TPCN2: variants seen among roughly 807,000 people sequenced by gnomAD.
TPCN2 encodes two pore channel protein 2.
Under a neutral mutation model 111.4 loss-of-function variants are expected in TPCN2, and 92 were observed. That is an observed-to-expected ratio of 0.83 (90% confidence interval 0.70 to 0.98). The LOEUF (loss-of-function observed/expected upper bound fraction) is 0.98, where lower values mean the gene tolerates loss of function less well. TPCN2 is among the 50% of genes least tolerant of loss of function. The probability of loss-of-function intolerance (pLI) is 0.00; values close to 1 mark genes in which losing one functional copy is unlikely to be tolerated. For missense variants in TPCN2, 995 were observed against 980.1 expected, an observed-to-expected ratio of 1.02 and a Z score of -0.20; for synonymous variants, 405 against 414.5, an observed-to-expected ratio of 0.98 and a Z score of 0.28.
intron 5 of TPCN2, among the ~76,000 whole-genome samples, chr11:69,058,655 C>T (rs527990337): frequency 7.2e-4 from 109 of 152,290 alleles, no homozygotes; most frequent in African/African-American, 2.4e-3. Context: ...CTGGAATGGG[C>T]GGCATCGCAG....
chr11:69,088,163 C>T lies in TPCN2; in HGVS notation c.*210C>T, dbSNP rs531356684. On this transcript the variant is annotated 3_prime_UTR_variant, in exon 25 of 25. Transcript: ENST00000294309. ...AGCTGCTGGTGCTTCAGGGAGGCGCCGTGCCCTCCGCTTTCTTTTATAGCT... is the reference window on the plus strand; with the variant it reads ...AGCTGCTGGTGCTTCAGGGAGGCGCTGTGCCCTCCGCTTTCTTTTATAGCT... The T allele has an allele frequency of 5.7e-4, 312 of 547,248 alleles. 1 individual carries two copies. Among genetic ancestry groups the T allele is most frequent in the African/African-American group, 5.4e-3 (284 of 52,980 alleles). The allele number at this position is 547,248 out of a possible 1,614,324, so 33.9% of individuals were successfully genotyped here.
rs377103736 is a variant in TPCN2 at position 69,085,794 on chromosome 11, C to T, written c.1920+42C>T. 24 of 1,612,974 alleles carry T rather than the reference C, an allele frequency of 1.5e-5. No homozygotes were observed. The African/African-American group carries it at 2.0e-4, about 13-fold the overall frequency. ...GTCCCAGCACCCTGCTCCCCGGGCT[C>T]CTCCCCTCCCTACCTCCTGGGCCCT... is the stretch of plus-strand genomic sequence containing the variant. On this transcript the variant is annotated intron_variant, in intron 21 of 24. Transcript: ENST00000294309.
At chr11:69,086,116 C>CGT (rs767500116) in intron 22 of TPCN2, among the ~76,000 whole-genome samples, 186 bp downstream of exon 22, 1 of 152,206 alleles carries the variant, frequency 6.6e-6, no homozygotes, top group Non-Finnish European at 1.5e-5. Flanking sequence ...ATAGCCACAT[C>CGT]GTGACTCTCA....
At chr11:69,060,948 C>T (rs1390516812) in intron 5 of TPCN2, among the ~76,000 whole-genome samples, 1 of 152,234 alleles carries the variant, frequency 6.6e-6, no homozygotes, top group African/African-American at 2.4e-5. Flanking sequence ...CTTCTCAGTC[C>T]TGCGCCAGGC....
chr11:69,078,740 C>T lies in TPCN2; in HGVS notation c.1357C>T (p.Leu453=). ...LANLVSICVF[L]VLDADVLPAE... Reference sequence around the variant, plus strand: ...CTCTGTTCTGGCGTTGCAGGTGTTCCTGGTGCTGGATGCAGATGTGCTGCC... The same window carrying T: ...CTCTGTTCTGGCGTTGCAGGTGTTCTTGGTGCTGGATGCAGATGTGCTGCC... Residue 453 remains leucine (L), a synonymous_variant, in exon 15 of 25, where the codon CTG becomes TTG. Transcript: ENST00000294309. 2 of 1,613,986 alleles carry T rather than the reference C, an allele frequency of 1.2e-6. No individual in the cohort carries two copies. The highest frequency in any genetic ancestry group is 1.1e-5 in the South Asian group (1 of 91,086).
At chr11:69,049,475 T>A (rs1277736891) in intron 1 of TPCN2, among the ~76,000 whole-genome samples, 2 of 152,200 alleles carry the variant, frequency 1.3e-5, no homozygotes, top group Non-Finnish European at 2.9e-5. Flanking sequence ...GTCGCCGTAA[T>A]GAGGGTCGCC....
chr11:69,070,341 C>G (rs1855466695), intron 8 of TPCN2, 89 bp from the exon 9 acceptor site: 1 of 1,092,170 alleles, frequency 9.2e-7, no homozygotes, highest in South Asian at 1.3e-5. Flanking sequence ...GACCTCCTTT[C>G]TATTGCAAAA....
At chr11:69,077,886 G>A in intron 13 of TPCN2, among the ~76,000 whole-genome samples, 1 of 152,220 alleles carries the variant, frequency 6.6e-6, no homozygotes, top group Admixed American at 6.5e-5. Flanking sequence ...GCCGCCGGTG[G>A]TCAGTGGCTC....
At chr11:69,056,995 G>A (rs539357111) in intron 4 of TPCN2, among the ~76,000 whole-genome samples, 1 of 151,988 alleles carries the variant, frequency 6.6e-6, no homozygotes, top group African/African-American at 2.4e-5. Context: ...CTGCCACCAT[G>A]CCCGGCTAAT....
intron 18 of TPCN2, among the ~76,000 whole-genome samples, chr11:69,082,477 A>C (rs1409592040): frequency 6.6e-6 from 1 of 152,302 alleles, no homozygotes; most frequent in Non-Finnish European, 1.5e-5. Context: ...GCAAATATCC[A>C]TGTGAACTCA....
Position 69,072,639 on chromosome 11 carries a change from G to A in TPCN2, c.1074G>A (p.Lys358=). The change falls in exon 12 of 25, where the codon AAG becomes AAA. Residue 358 remains lysine, a synonymous_variant. Transcript: ENST00000294309. ...TTTTTCCCTGCAGAGTTGGGGTGAA[G>A]CCCCAGAACTTGCTGCAGGTGCTTC... ...GGAFPQAVGV[K]PQNLLQVLQK... 6.2e-7 allele frequency: 1 copy of A among 1,613,916 alleles called. No individual in the cohort carries two copies. The highest frequency in any genetic ancestry group is 8.5e-7 in the Non-Finnish European group (1 of 1,180,020).
intron 19 of TPCN2, 63 bp downstream of exon 19, chr11:69,084,079 G>A (rs72928652): frequency 0.16 from 253,170 of 1,543,642 alleles, 23,341 homozygotes; most frequent in South Asian, 0.22. Flanking sequence ...GGAGGCTGGC[G>A]GAAGGCAGTG....
At chr11:69,050,397 A>G (rs1861168750) in intron 1 of TPCN2, among the ~76,000 whole-genome samples, 6 of 152,064 alleles carry the variant, frequency 3.9e-5, no homozygotes, top group Admixed American at 2.6e-4. Flanking sequence ...CTTTTTTGAG[A>G]TGGAGTATCA....
intron 5 of TPCN2, among the ~76,000 whole-genome samples, chr11:69,061,754 G>A (rs572983226): frequency 1.3e-5 from 2 of 152,224 alleles, no homozygotes; most frequent in South Asian, 4.1e-4. Flanking sequence ...GGGAAACGTG[G>A]CATGATGGAA....
intron 5 of TPCN2, among the ~76,000 whole-genome samples, chr11:69,059,644 A>C (rs1854931547): frequency 6.6e-6 from 1 of 152,200 alleles, no homozygotes; most frequent in African/African-American, 2.4e-5. Flanking sequence ...GGGCTGCCCC[A>C]GCTCTTTCAC....
At chr11:69,077,228 G>A (rs1217352746) in intron 13 of TPCN2, among the ~76,000 whole-genome samples, 64 of 126,326 alleles carry the variant, frequency 5.1e-4, no homozygotes, top group African/African-American at 1.8e-3. Flanking sequence ...CTCCTGCCAT[G>A]TCCCTCCACC....
chr11:69,066,760 A>G (rs1428223533), intron 7 of TPCN2, among the ~76,000 whole-genome samples: 2 of 152,180 alleles, frequency 1.3e-5, no homozygotes, highest in Admixed American at 1.3e-4. Context: ...TCATACAACC[A>G]GTCTGGTTTG....
chr11:69,059,085 G>C (rs72919409), intron 5 of TPCN2, among the ~76,000 whole-genome samples: 20,661 of 152,262 alleles, frequency 0.14, 1,970 homozygotes, highest in South Asian at 0.21. Context: ...GCCTCCGCCA[G>C]CTCCCCACCT....
chr11:69,083,810 G>GGT (rs139509646), intron 18 of TPCN2, 135 bp from the exon 19 acceptor site: 48 of 740,428 alleles, frequency 6.5e-5, no homozygotes, highest in Middle Eastern at 2.4e-4. Flanking sequence ...TGTGGGTCCA[G>GGT]GTGTGTGTGT....
Sources: allele counts gnomAD v4.1 joint callset (sites outside exome capture counted in the v4.1 genomes callset), GRCh38; gene constraint gnomAD v4.1.1; transcripts MANE v1.5; gene names NCBI Gene and HGNC (gene_info 2026-07-23, HGNC 2026-07-21).